GABRB3: variants seen among roughly 807,000 people sequenced by gnomAD.
The protein encoded by GABRB3 is gamma-aminobutyric acid type A receptor subunit beta3, also known as gamma-aminobutyric acid receptor subunit beta-3.
In GABRB3, 14 loss-of-function variants were observed where a neutral mutation model predicts 52.1. That is an observed-to-expected ratio of 0.27 (90% CI 0.18 to 0.42). The LOEUF is 0.42. Ranked by LOEUF, GABRB3 falls within the 10% of genes least tolerant of loss-of-function variation. The pLI, the probability that GABRB3 is intolerant of heterozygous loss-of-function variation, is 1.00. For synonymous variants in GABRB3, 260 were observed against 232.3 expected, an observed-to-expected ratio of 1.12 and a Z score of -1.08; for missense variants, 307 against 609.1, an observed-to-expected ratio of 0.50 and a Z score of 5.22.
At chr15:26,755,819 A>G (rs1399139159) in intron 3 of GABRB3, among the ~76,000 whole-genome samples, 1 of 152,256 alleles carries the variant, frequency 6.6e-6, no homozygotes, top group East Asian at 1.9e-4. Flanking sequence ...GAAATAATCC[A>G]TAACACATAC....
At chr15:26,696,984 A>AT (rs558210256) in intron 3 of GABRB3, among the ~76,000 whole-genome samples, 34 of 152,278 alleles carry the variant, frequency 2.2e-4, no homozygotes, top group Middle Eastern at 3.4e-3. Context: ...AATTTAGGGA[A>AT]TTTTTTTAAA....
At chr15:26,734,638 CAAAA>C (rs527622047) in intron 3 of GABRB3, among the ~76,000 whole-genome samples, 3 of 96,304 alleles carry the variant, frequency 3.1e-5, no homozygotes, top group East Asian at 3.3e-4. Context: ...GGGTGAGTCT[CAAAA>C]AAAAAAAAAA....
chr15:26,554,276 G>A (rs1247367920), intron 8 of GABRB3, among the ~76,000 whole-genome samples: 8 of 141,150 alleles, frequency 5.7e-5, no homozygotes, highest in Admixed American at 2.3e-4. Flanking sequence ...TGATCCTCCC[G>A]CCTCCAACTC....
intron 3 of GABRB3, among the ~76,000 whole-genome samples, chr15:26,720,052 T>C (rs576880035): frequency 1.3e-5 from 2 of 152,282 alleles, no homozygotes; most frequent in South Asian, 4.1e-4. Flanking sequence ...TGGCCGGTCG[T>C]TGCCTTAACT....
intron 3 of GABRB3, among the ~76,000 whole-genome samples, chr15:26,644,866 G>A (rs1893307283): frequency 6.6e-6 from 1 of 152,216 alleles, no homozygotes; most frequent in Non-Finnish European, 1.5e-5. Context: ...ATCAGCATGT[G>A]ATGGAGACTC....
chr15:26,752,461 C>A (rs184557922), intron 3 of GABRB3, among the ~76,000 whole-genome samples: 4,232 of 151,966 alleles, frequency 0.028, 89 homozygotes, highest in Non-Finnish European at 0.042. Flanking sequence ...GATGGGGTTT[C>A]ACCGTGTTAG....
chr15:26,563,427 C>T (rs1047626256), intron 7 of GABRB3, among the ~76,000 whole-genome samples: 2 of 152,200 alleles, frequency 1.3e-5, no homozygotes, highest in African/African-American at 4.8e-5. Flanking sequence ...AATGCATTTA[C>T]TAAGTCCTTC....
intron 3 of GABRB3, among the ~76,000 whole-genome samples, chr15:26,728,540 G>A (rs1889830269): frequency 6.6e-6 from 1 of 152,136 alleles, no homozygotes; most frequent in East Asian, 1.9e-4. Context: ...CTAGCTCCAG[G>A]CCCAAGGGAG....
At chr15:26,713,384 G>C (rs965806992) in intron 3 of GABRB3, among the ~76,000 whole-genome samples, 1 of 152,170 alleles carries the variant, frequency 6.6e-6, no homozygotes, top group Non-Finnish European at 1.5e-5. Context: ...GACAGGCAGA[G>C]AGTGGACGCA....
intron 4 of GABRB3, among the ~76,000 whole-genome samples, chr15:26,616,680 T>C (rs1401479032): frequency 6.6e-6 from 1 of 151,952 alleles, no homozygotes; most frequent in African/African-American, 2.4e-5. Flanking sequence ...ATGATGGATA[T>C]AAATTTGACT....
intron 3 of GABRB3, among the ~76,000 whole-genome samples, chr15:26,678,870 A>G (rs369524263): frequency 6.6e-5 from 10 of 152,290 alleles, no homozygotes; most frequent in African/African-American, 1.2e-4. Context: ...CAAGAATCAG[A>G]GGAGCCCAGT....
rs112899673 is a variant in GABRB3, at chr15:26,617,125, G to A, written c.461+4189C>T. Among the ~76,000 whole-genome samples, 89 of 152,234 alleles carry A rather than the reference G, an allele frequency of 5.8e-4. 1 individual carries two copies. Among genetic ancestry groups the A allele is most frequent in the African/African-American group, 2.0e-3 (82 of 41,542 alleles). On this transcript the variant is annotated intron_variant, in intron 4 of 8. Coordinates refer to ENST00000311550, the MANE Select transcript of GABRB3 (RefSeq NM_000814.6). ...ACCAAAAAGAGTCCAGCACCAGATG[G>A]ATTCACAGCCGAATTCTACCAGAGG...
rs547677942 is a variant in GABRB3, at chr15:26,612,426, C to T, written c.461+8888G>A. 5 of 152,222 alleles carry T rather than the reference C, an allele frequency of 3.3e-5. No individual in the cohort carries two copies. In the South Asian group the frequency reaches 1.0e-3, roughly 32 times the overall value. 9.4% of individuals were successfully genotyped at this position (152,222 alleles called of 1,614,324 possible). ...ATGCATACTTAAAGGTAGTTATATACAAATTGACCATGAGCCTTCCCACAT... is the reference window on the plus strand; with the variant it reads ...ATGCATACTTAAAGGTAGTTATATATAAATTGACCATGAGCCTTCCCACAT... On this transcript the variant is annotated intron_variant, in intron 4 of 8. Transcript: ENST00000311550.
chr15:26,624,403 T>C (rs892469936), intron 3 of GABRB3: 1 of 985,384 alleles, frequency 1.0e-6, no homozygotes, highest in Non-Finnish European at 1.2e-6. Context: ...TGAGTCGCGA[T>C]GTCTAGCGCC....
intron 3 of GABRB3, among the ~76,000 whole-genome samples, chr15:26,709,065 T>C (rs1274485871): frequency 1.3e-5 from 2 of 152,248 alleles, no homozygotes; most frequent in Admixed American, 6.5e-5. Context: ...AAGCAACTTA[T>C]TGAGGTACAG....
chr15:26,702,361 C>T (rs1054753810), intron 3 of GABRB3, among the ~76,000 whole-genome samples: 1 of 152,096 alleles, frequency 6.6e-6, no homozygotes, highest in East Asian at 1.9e-4. Flanking sequence ...GTAAGGAACC[C>T]TTGAGATTCA....
chr15:26,734,390 C>A (rs1230471415), intron 3 of GABRB3, among the ~76,000 whole-genome samples: 1 of 152,002 alleles, frequency 6.6e-6, no homozygotes, highest in Non-Finnish European at 1.5e-5. Context: ...TTGTATTTAG[C>A]AGTGACTTCC....
intron 3 of GABRB3, among the ~76,000 whole-genome samples, chr15:26,662,594 A>G (rs192575465): frequency 1.3e-3 from 191 of 152,332 alleles, no homozygotes; most frequent in Non-Finnish European, 1.7e-3. Flanking sequence ...ACAGATGAAC[A>G]GGGAGAGCTT....
At chr15:26,628,909 G>C (rs1486512175) in intron 3 of GABRB3, 12 of 1,436,256 alleles carry the variant, frequency 8.4e-6, no homozygotes, top group Non-Finnish European at 1.1e-5. Context: ...TGGGAGGTGT[G>C]GGGGAGTCAG....
Sources: allele counts gnomAD v4.1 joint callset (sites outside exome capture counted in the v4.1 genomes callset), GRCh38; gene constraint gnomAD v4.1.1; transcripts MANE v1.5; gene names NCBI Gene and HGNC (gene_info 2026-07-23, HGNC 2026-07-21).